ADCY2: variants seen among roughly 807,000 people sequenced by gnomAD.
ADCY2 encodes adenylate cyclase type 2.
ADCY2 carries 31 observed loss-of-function variants against 125.2 expected under a neutral mutation model. The ratio of observed to expected loss-of-function variants is 0.25; its 90% confidence interval spans 0.19 to 0.33. The LOEUF is 0.33. Ranked by LOEUF, ADCY2 falls within the 10% of genes least tolerant of loss-of-function variation. ADCY2 has a pLI of 1.00. For missense variants in ADCY2, 904 were observed against 1,418.2 expected, an observed-to-expected ratio of 0.64 and a Z score of 5.82; for synonymous variants, 512 against 548.4, an observed-to-expected ratio of 0.93 and a Z score of 0.93.
chr5:7,699,067 A>AAAG (rs1740988696), intron 7 of ADCY2, among the ~76,000 whole-genome samples: 1 of 123,738 alleles, frequency 8.1e-6, no homozygotes, highest in Non-Finnish European at 1.8e-5. Context: ...CTGAGTCAGG[A>AAAG]AACAACAGTA....
At chr5:7,643,943 A>G (rs1034927315) in intron 4 of ADCY2, among the ~76,000 whole-genome samples, 2 of 151,914 alleles carry the variant, frequency 1.3e-5, no homozygotes, top group Non-Finnish European at 2.9e-5. Flanking sequence ...TGAGCATCTT[A>G]GAATACCTTA....
chr5:7,486,482 G>A (rs1266641467), intron 2 of ADCY2, among the ~76,000 whole-genome samples: 1 of 152,114 alleles, frequency 6.6e-6, no homozygotes, highest in East Asian at 1.9e-4. Flanking sequence ...GAAACTGAGA[G>A]TTTCAGACAG....
chr5:7,553,689 T>G (rs1268450865), intron 3 of ADCY2, among the ~76,000 whole-genome samples: 4 of 152,104 alleles, frequency 2.6e-5, no homozygotes, highest in Non-Finnish European at 5.9e-5. Context: ...GAGGGTATGG[T>G]GGCTATTAAC....
intron 11 of ADCY2, 69 bp from the exon 12 acceptor site, chr5:7,717,088 C>A: frequency 1.0e-6 from 1 of 997,466 alleles, no homozygotes; most frequent in Non-Finnish European, 1.5e-6. Flanking sequence ...TTATGTATCT[C>A]TAAAAAATTG....
intron 2 of ADCY2, among the ~76,000 whole-genome samples, chr5:7,452,212 C>T (rs1741500752): frequency 6.6e-6 from 1 of 152,102 alleles, no homozygotes; most frequent in South Asian, 2.1e-4. Flanking sequence ...CGTGCCCGGC[C>T]CCCAATGTGT....
At position 7,626,203 on chromosome 5, in the gene ADCY2, C is replaced by T. The variant is rs1456633996; in HGVS notation, c.607C>T (p.Leu203=). ...ANVIIFICGN[L]AGAYHKHLME... Reference sequence around the variant, plus strand: ...TGTGATCATTTTCATCTGTGGGAACCTGGCGGGAGCCTACCATAAGCACCT... The same window carrying T: ...TGTGATCATTTTCATCTGTGGGAACTTGGCGGGAGCCTACCATAAGCACCT... The change falls in exon 4 of 25, where the codon CTG becomes TTG. Residue 203 remains leucine, a synonymous_variant. Coordinates refer to ENST00000338316, the MANE Select transcript of ADCY2 (RefSeq NM_020546.3). The T allele has an allele frequency of 1.2e-6, 2 of 1,614,002 alleles. No individual in the cohort carries two copies. The highest frequency in any genetic ancestry group is 2.7e-5 in the African/African-American group (2 of 74,934).
intron 2 of ADCY2, among the ~76,000 whole-genome samples, chr5:7,465,792 C>T (rs1384787726): frequency 6.6e-6 from 1 of 152,154 alleles, no homozygotes; most frequent in East Asian, 1.9e-4. Flanking sequence ...AAGAAATCCT[C>T]CTTTCTCTTA....
At chr5:7,600,846 G>A (rs1409602580) in intron 3 of ADCY2, among the ~76,000 whole-genome samples, 1 of 152,154 alleles carries the variant, frequency 6.6e-6, no homozygotes, top group Non-Finnish European at 1.5e-5. Context: ...GTGAAGTTTA[G>A]AGTGAAGCCA....
rs554732835 is a variant in ADCY2, at chr5:7,428,310, G to A, written c.408+13540G>A. ...GAGAGAATCAATGAGAAAAGTAGAG[G>A]AAACAAGGCATAATTTTTAAGTGGC... On this transcript the variant is annotated intron_variant, in intron 2 of 24. Transcript: ENST00000338316. Among the ~76,000 whole-genome samples, 4 of 152,342 alleles carry A rather than the reference G, an allele frequency of 2.6e-5. No homozygotes were observed. The East Asian group carries it at 7.7e-4, about 29-fold the overall frequency.
At chr5:7,576,612 G>A (rs1427846993) in intron 3 of ADCY2, among the ~76,000 whole-genome samples, 1 of 152,152 alleles carries the variant, frequency 6.6e-6, no homozygotes. Context: ...CACTAGACAA[G>A]GCAATATTAT....
chr5:7,527,766 A>G (rs148725407), intron 3 of ADCY2, among the ~76,000 whole-genome samples: 114 of 152,362 alleles, frequency 7.5e-4, no homozygotes, highest in African/African-American at 2.5e-3. Flanking sequence ...TGTGTAATCA[A>G]TAGCAATGTG....
intron 7 of ADCY2, among the ~76,000 whole-genome samples, chr5:7,706,071 A>C (rs185488699): frequency 4.6e-5 from 7 of 152,312 alleles, no homozygotes; most frequent in Admixed American, 3.3e-4. Context: ...TTGCAATACT[A>C]CTTTAATGTA....
chr5:7,431,526 T>C (rs1009365383), intron 2 of ADCY2, among the ~76,000 whole-genome samples: 3 of 53,980 alleles, frequency 5.6e-5, no homozygotes, highest in Non-Finnish European at 1.2e-4. Flanking sequence ...AGGTGGGAAC[T>C]ATTAAAAAAA....
intron 3 of ADCY2, among the ~76,000 whole-genome samples, chr5:7,601,705 T>C (rs1737209644): frequency 6.6e-6 from 1 of 152,192 alleles, no homozygotes. Context: ...CCCTTCATTC[T>C]TCTCTTCACT....
chr5:7,730,969 T>C (rs1351692764), intron 14 of ADCY2, among the ~76,000 whole-genome samples: 1 of 152,172 alleles, frequency 6.6e-6, no homozygotes, highest in Non-Finnish European at 1.5e-5. Context: ...ATCTCTTACA[T>C]GTTGCTGTCG....
intron 15 of ADCY2, among the ~76,000 whole-genome samples, chr5:7,756,143 G>A (rs974469367): frequency 5.9e-5 from 9 of 152,324 alleles, no homozygotes; most frequent in East Asian, 1.9e-4. Flanking sequence ...ATCAGATAAC[G>A]TATGCAAATT....
chr5:7,718,527 C>T (rs1741667072), intron 12 of ADCY2, among the ~76,000 whole-genome samples: 1 of 152,064 alleles, frequency 6.6e-6, no homozygotes, highest in Non-Finnish European at 1.5e-5. Context: ...ATATGTGTGT[C>T]TATGGTGGGT....
intron 4 of ADCY2, among the ~76,000 whole-genome samples, chr5:7,651,519 T>C (rs1344208061): frequency 6.6e-6 from 1 of 152,138 alleles, no homozygotes; most frequent in Non-Finnish European, 1.5e-5. Context: ...GAGAAAAAGA[T>C]GAGGCTGGAA....
At chr5:7,768,311 T>C (rs1407887998) in intron 17 of ADCY2, among the ~76,000 whole-genome samples, 1 of 152,216 alleles carries the variant, frequency 6.6e-6, no homozygotes, top group African/African-American at 2.4e-5. Flanking sequence ...GTAATCTCAC[T>C]GTGGGCCATT....
Sources: allele counts gnomAD v4.1 joint callset (sites outside exome capture counted in the v4.1 genomes callset), GRCh38; gene constraint gnomAD v4.1.1; transcripts MANE v1.5; gene names NCBI Gene and HGNC (gene_info 2026-07-23, HGNC 2026-07-21).